Variants in FERMT2 observed in about 807,000 individuals in gnomAD.
FERMT2 encodes FERM domain containing kindlin 2, also known as fermitin family homolog 2.
A neutral mutation model predicts 82.7 loss-of-function variants in FERMT2; 15 were observed. The observed-to-expected ratio is 0.18, with a 90% confidence interval of 0.12 to 0.28. The LOEUF is 0.28. Among genes scored for constraint, FERMT2 ranks in the 10% least tolerant of loss-of-function variants. The probability of loss-of-function intolerance (pLI) is 1.00; values close to 1 mark genes in which losing one functional copy is unlikely to be tolerated. For synonymous variants in FERMT2, 274 were observed against 271.5 expected (o/e 1.01, Z -0.09); for missense variants, 645 against 809.4 (o/e 0.80, Z 2.46).
intron 3 of FERMT2, among the ~76,000 whole-genome samples, chr14:52,915,163 G>A (rs1203985375): frequency 6.6e-6 from 1 of 152,092 alleles, no homozygotes; most frequent in African/African-American, 2.4e-5. Flanking sequence ...GGGCAAAAAA[G>A]ATTACTTCAA....
At chr14:52,933,379 T>C (rs1331557289) in intron 2 of FERMT2, among the ~76,000 whole-genome samples, 1 of 152,114 alleles carries the variant, frequency 6.6e-6, no homozygotes, top group Non-Finnish European at 1.5e-5. Flanking sequence ...TCTCTTAAAA[T>C]GCAAACTTGA....
chr14:52,935,757 A>G (rs749464735), intron 2 of FERMT2, among the ~76,000 whole-genome samples: 11 of 152,234 alleles, frequency 7.2e-5, no homozygotes, highest in Non-Finnish European at 1.3e-4. Context: ...AATTTCTTCT[A>G]CATAGCTAGT....
intron 10 of FERMT2, among the ~76,000 whole-genome samples, chr14:52,871,102 G>A (rs946690814): frequency 6.6e-6 from 1 of 152,198 alleles, no homozygotes; most frequent in Non-Finnish European, 1.5e-5. Flanking sequence ...GAAACCAGGA[G>A]ACTATGGCTG....
At chr14:52,886,803 T>C (rs891548624) in intron 4 of FERMT2, among the ~76,000 whole-genome samples, 3 of 152,196 alleles carry the variant, frequency 2.0e-5, no homozygotes, top group African/African-American at 7.2e-5. Context: ...TATGTAGTAA[T>C]CAAGAAATGG....
intron 2 of FERMT2, among the ~76,000 whole-genome samples, chr14:52,942,088 T>C (rs1358085787): frequency 6.6e-6 from 1 of 152,140 alleles, no homozygotes. Flanking sequence ...CCAGTAAAGC[T>C]GGAACTTATT....
intron 10 of FERMT2, chr14:52,871,954 CTG>C (rs1885649768): frequency 6.6e-6 from 1 of 152,344 alleles, no homozygotes; most frequent in Admixed American, 6.5e-5. Context: ...AAAGACAAAA[CTG>C]TGTGAGGAAG....
At chr14:52,934,833 A>AT (rs1338618383) in intron 2 of FERMT2, among the ~76,000 whole-genome samples, 3 of 152,100 alleles carry the variant, frequency 2.0e-5, no homozygotes, top group African/African-American at 4.8e-5. Context: ...TCAATTATCC[A>AT]TTTTTTTAAA....
intron 3 of FERMT2, among the ~76,000 whole-genome samples, chr14:52,900,802 C>T (rs1010032193): frequency 6.6e-6 from 1 of 152,148 alleles, no homozygotes; most frequent in African/African-American, 2.4e-5. Flanking sequence ...ACCTACTCCA[C>T]AGACACACAC....
chr14:52,902,892 C>CAAAA (rs1355070805), intron 3 of FERMT2, among the ~76,000 whole-genome samples: 27 of 36,764 alleles, frequency 7.3e-4, no homozygotes, highest in African/African-American at 1.3e-3. Context: ...AAAAAAAAAA[C>CAAAA]CCCAAAACAC....
chr14:52,909,136 TGAAA>T (rs1888173007), intron 3 of FERMT2, among the ~76,000 whole-genome samples: 1 of 151,706 alleles, frequency 6.6e-6, no homozygotes, highest in African/African-American at 2.4e-5. Context: ...GAGAGAGAGG[TGAAA>T]GAGAGAGAGG....
chr14:52,927,622 A>AAAAAAAAAAT (rs1889357298), intron 2 of FERMT2, among the ~76,000 whole-genome samples: 1 of 149,802 alleles, frequency 6.7e-6, no homozygotes, highest in African/African-American at 2.5e-5. Context: ...AAAAAAAAAA[A>AAAAAAAAAAT]ATCCAGGCAT....
At chr14:52,925,888 A>C (rs892461932) in intron 2 of FERMT2, among the ~76,000 whole-genome samples, 14 of 151,612 alleles carry the variant, frequency 9.2e-5, no homozygotes, top group Non-Finnish European at 1.9e-4. Context: ...AAGTGATCCA[A>C]CCCCCTTGGC....
At position 52,860,321 on chromosome 14, in the gene FERMT2, A is replaced by G. The variant is rs1169410234; in HGVS notation, c.1727+20T>C. The G allele has an allele frequency of 6.2e-7, 1 of 1,611,350 alleles. No individual in the cohort carries two copies. The highest frequency in any genetic ancestry group is 2.2e-5 in the East Asian group (1 of 44,846). On this transcript the variant is annotated intron_variant, in intron 13 of 14. Coordinates refer to ENST00000341590, the MANE Select transcript of FERMT2 (RefSeq NM_006832.3). ...AAAATGCAGATTAAGGTTTACACATAGATGCTTAGAACCACTGACCTTGCA... is the reference window on the plus strand; with the variant it reads ...AAAATGCAGATTAAGGTTTACACATGGATGCTTAGAACCACTGACCTTGCA...
chr14:52,878,548 G>T (rs2357946), intron 7 of FERMT2, 34 bp downstream of exon 7: 25 of 1,304,940 alleles, frequency 1.9e-5, no homozygotes, highest in South Asian at 7.6e-5. Flanking sequence ...ACCCTTTACC[G>T]GAATAAGTCC....
intron 6 of FERMT2, among the ~76,000 whole-genome samples, chr14:52,880,684 C>T (rs1886241798): frequency 6.6e-6 from 1 of 152,072 alleles, no homozygotes; most frequent in African/African-American, 2.4e-5. Flanking sequence ...GGCGTTGAGC[C>T]ACTGCACCCG....
chr14:52,945,774 G>C (rs978061419), intron 2 of FERMT2, among the ~76,000 whole-genome samples: 1 of 152,104 alleles, frequency 6.6e-6, no homozygotes, highest in African/African-American at 2.4e-5. Flanking sequence ...GTGAGCTCCA[G>C]ATTATAATAA....
At chr14:52,885,341 C>CAAAAA (rs1886538871) in intron 4 of FERMT2, among the ~76,000 whole-genome samples, 1 of 98,034 alleles carries the variant, frequency 1.0e-5, no homozygotes, top group African/African-American at 3.4e-5. Flanking sequence ...AAAAAAAAAT[C>CAAAAA]TGTTACTAAT....
intron 2 of FERMT2, among the ~76,000 whole-genome samples, chr14:52,929,537 T>C (rs1012598203): frequency 6.6e-6 from 1 of 152,170 alleles, no homozygotes; most frequent in African/African-American, 2.4e-5. Flanking sequence ...TCCAAATTTA[T>C]CCTGTGCTAC....
At chr14:52,932,023 C>T (rs923213874) in intron 2 of FERMT2, among the ~76,000 whole-genome samples, 9 of 151,998 alleles carry the variant, frequency 5.9e-5, no homozygotes, top group African/African-American at 1.9e-4. Flanking sequence ...AGCGAGACTC[C>T]GTCTCAAAAA....
Sources: gnomAD v4.1 joint callset for allele counts (sites outside exome capture counted in the v4.1 genomes callset) on GRCh38, gnomAD v4.1.1 for gene constraint, MANE v1.5 for transcripts, NCBI Gene and HGNC (gene_info 2026-07-23, HGNC 2026-07-21) for gene names.